The following SPATA6 variants were observed in gnomAD, a reference collection of about 807,000 sequenced individuals.
SPATA6 encodes the protein spermatogenesis-associated protein 6.
In SPATA6, 56 loss-of-function variants were observed where a neutral mutation model predicts 65.3. That is an observed-to-expected ratio of 0.86 (90% CI 0.69 to 1.07). The LOEUF (loss-of-function observed/expected upper bound fraction) is 1.07. Among genes scored for constraint, SPATA6 ranks in the 50% least tolerant of loss-of-function variants. SPATA6 has a pLI of 0.00. For missense variants in SPATA6, 590 were observed against 594.8 expected (o/e 0.99, Z 0.08); for synonymous variants, 199 against 213.2 (o/e 0.93, Z 0.58).
chr1:48,400,451 A>G (rs1039721619), intron 6 of SPATA6, among the ~76,000 whole-genome samples: 2 of 151,982 alleles, frequency 1.3e-5, no homozygotes. Context: ...TAATAGTTGG[A>G]TTACAAGCAA....
intron 9 of SPATA6, among the ~76,000 whole-genome samples, chr1:48,367,627 T>C (rs1393616393): frequency 6.6e-6 from 1 of 152,116 alleles, no homozygotes; most frequent in Non-Finnish European, 1.5e-5. Flanking sequence ...ACCCCTGCCT[T>C]TTTTTGTTTT....
intron 5 of SPATA6, among the ~76,000 whole-genome samples, chr1:48,408,964 C>A (rs1481448063): frequency 6.6e-6 from 1 of 152,146 alleles, no homozygotes; most frequent in East Asian, 1.9e-4. Context: ...ATCATTCAGT[C>A]CCTGGACCCT....
At chr1:48,312,443 G>C (rs921950109) in intron 11 of SPATA6, among the ~76,000 whole-genome samples, 1 of 152,150 alleles carries the variant, frequency 6.6e-6, no homozygotes, top group Admixed American at 6.5e-5. Flanking sequence ...ATAGGGTCTG[G>C]AATGGACCTC....
At chr1:48,267,121 G>C in the SPATA6 span, among the ~76,000 whole-genome samples, 1 of 151,962 alleles carries the variant, frequency 6.6e-6, no homozygotes, top group Non-Finnish European at 1.5e-5. Context: ...AATGAGAAAA[G>C]TTCCCTTATC....
At chr1:48,286,185 A>AT in the SPATA6 span, among the ~76,000 whole-genome samples, 6 of 150,788 alleles carry the variant, frequency 4.0e-5, no homozygotes, top group African/African-American at 7.3e-5. Context: ...AATTTTAGGA[A>AT]TTTTTTTTCT....
At chr1:48,469,246 CATACAT>C (rs1658035923) in intron 1 of SPATA6, among the ~76,000 whole-genome samples, 1 of 152,102 alleles carries the variant, frequency 6.6e-6, no homozygotes, top group Admixed American at 6.5e-5. Context: ...TAAACATACA[CATACAT>C]ATAGACAAAT....
chr1:48,404,480 C>T (rs1651497107), intron 5 of SPATA6, among the ~76,000 whole-genome samples: 3 of 151,990 alleles, frequency 2.0e-5, no homozygotes, highest in Non-Finnish European at 4.4e-5. Context: ...GTAGCTAGGA[C>T]TACAGGATAC....
chr1:48,411,269 C>T (rs561370582), intron 5 of SPATA6, among the ~76,000 whole-genome samples, 195 bp downstream of exon 5: 147 of 152,204 alleles, frequency 9.7e-4, no homozygotes, highest in African/African-American at 3.4e-3. Flanking sequence ...TTTTACATTG[C>T]TGTAAATAAA....
intron 9 of SPATA6, among the ~76,000 whole-genome samples, chr1:48,364,371 C>A (rs146840138): frequency 1.3e-5 from 2 of 152,156 alleles, no homozygotes; most frequent in Admixed American, 1.3e-4. Context: ...CCTGAGGAAT[C>A]GCCACACTGA....
the SPATA6 span, among the ~76,000 whole-genome samples, chr1:48,273,412 A>G: frequency 6.6e-6 from 1 of 152,146 alleles, no homozygotes; most frequent in Non-Finnish European, 1.5e-5. Flanking sequence ...TTACATAGGT[A>G]TACACGTACC....
intron 3 of SPATA6, among the ~76,000 whole-genome samples, chr1:48,419,068 A>T (rs914646508): frequency 3.3e-5 from 5 of 152,192 alleles, no homozygotes; most frequent in Non-Finnish European, 7.4e-5. Flanking sequence ...CAAACTAGAA[A>T]ATACTTTAAA....
intron 6 of SPATA6, among the ~76,000 whole-genome samples, chr1:48,401,502 T>C (rs1271990568): frequency 3.3e-5 from 5 of 152,120 alleles, no homozygotes; most frequent in Non-Finnish European, 7.4e-5. Context: ...ACTGACCATG[T>C]GACTTGCTTT....
rs12095382 is a variant in SPATA6, at chr1:48,411,586, C to T, written c.283G>A (p.Gly95Ser). 4.4e-6 allele frequency: 7 copies of T among 1,578,546 alleles called. No individual in the cohort carries two copies. In the African/African-American group the frequency reaches 9.5e-5, roughly 21 times the overall value. ...FELIQLVPPV[G>S]ETLSTYDENT... ...TCGTCATACGTAGACAGTGTTTCAC[C>T]CACTACAAGAAAGATACCCTATGAT... The change falls in exon 5 of 13, where the codon GGT becomes AGT. Residue 95 changes from glycine to serine, a missense_variant and splice_region_variant. Physicochemically the swap from Gly to Ser is moderately conservative, Grantham distance 56. Transcript: ENST00000371847.
At chr1:48,377,934 C>G (rs1010320266) in intron 9 of SPATA6, among the ~76,000 whole-genome samples, 1 of 152,108 alleles carries the variant, frequency 6.6e-6, no homozygotes, top group Admixed American at 6.6e-5. Context: ...ATCCCAGGCC[C>G]AGGCATTTAA....
chr1:48,435,746 C>T (rs1013570941), intron 3 of SPATA6, among the ~76,000 whole-genome samples: 26 of 152,168 alleles, frequency 1.7e-4, no homozygotes, highest in East Asian at 3.9e-4. Flanking sequence ...GCCGCCCTCC[C>T]GCGCCCCGCA....
intron 9 of SPATA6, among the ~76,000 whole-genome samples, chr1:48,369,832 C>T (rs560695160): frequency 6.6e-6 from 1 of 152,320 alleles, no homozygotes; most frequent in Non-Finnish European, 1.5e-5. Context: ...AACCCGGTAC[C>T]TCAGATGGAA....
chr1:48,279,869 C>G, the SPATA6 span, among the ~76,000 whole-genome samples: 109 of 152,328 alleles, frequency 7.2e-4, no homozygotes, highest in East Asian at 0.02. Context: ...CCCAAATCAA[C>G]AGAATATACA....
intron 11 of SPATA6, among the ~76,000 whole-genome samples, chr1:48,341,695 A>G (rs1646220072): frequency 6.6e-6 from 1 of 152,208 alleles, no homozygotes; most frequent in Admixed American, 6.5e-5. Context: ...TATGGTAAGA[A>G]CTAATCTTCT....
chr1:48,411,369 A>G, intron 5 of SPATA6, 95 bp downstream of exon 5: 1 of 1,365,550 alleles, frequency 7.3e-7, no homozygotes, highest in Non-Finnish European at 9.7e-7. Context: ...TACACTTTGA[A>G]TTTGTTCTTC....
Sources: allele counts gnomAD v4.1 joint callset (sites outside exome capture counted in the v4.1 genomes callset), GRCh38; gene constraint gnomAD v4.1.1; transcripts MANE v1.5; gene names NCBI Gene and HGNC (gene_info 2026-07-23, HGNC 2026-07-21).